TEAD1: variants seen among roughly 807,000 people sequenced by gnomAD.
TEAD1 encodes the protein transcriptional enhancer factor TEF-1.
TEAD1 carries 9 observed loss-of-function variants against 54.9 expected under a neutral mutation model. That is an observed-to-expected ratio of 0.16 (90% CI 0.10 to 0.29). The LOEUF (loss-of-function observed/expected upper bound fraction) is 0.29. TEAD1 is among the 10% of genes least tolerant of loss of function. The pLI is 1.00. For synonymous variants in TEAD1, 200 were observed against 187.8 expected (o/e 1.07, Z -0.53); for missense variants, 387 against 535.9 (o/e 0.72, Z 2.74).
intron 3 of TEAD1, among the ~76,000 whole-genome samples, chr11:12,769,874 G>T (rs917067813): frequency 1.3e-5 from 2 of 152,186 alleles, no homozygotes; most frequent in African/African-American, 2.4e-5. Flanking sequence ...AGTAATGTTT[G>T]CTGAATAAAT....
intron 2 of TEAD1, among the ~76,000 whole-genome samples, chr11:12,702,394 T>C (rs1369210471): frequency 2.6e-5 from 4 of 152,202 alleles, no homozygotes; most frequent in Non-Finnish European, 4.4e-5. Flanking sequence ...TCTTTATAGC[T>C]TCATGACTTC....
chr11:12,864,250 C>T (rs1451448771), intron 4 of TEAD1, among the ~76,000 whole-genome samples: 1 of 152,132 alleles, frequency 6.6e-6, no homozygotes, highest in Non-Finnish European at 1.5e-5. Context: ...TGGATAGTCT[C>T]TTCTAAATTG....
chr11:12,928,595 GCCAAAT>G (rs1377498448), intron 11 of TEAD1, among the ~76,000 whole-genome samples: 1,609 of 152,154 alleles, frequency 0.011, 20 homozygotes, highest in African/African-American at 0.037. Context: ...TAACCTGTTT[GCCAAAT>G]TTCAGTCTTG....
At chr11:12,846,689 G>A (rs1192193251) in intron 3 of TEAD1, among the ~76,000 whole-genome samples, 2 of 152,134 alleles carry the variant, frequency 1.3e-5, no homozygotes, top group Non-Finnish European at 2.9e-5. Flanking sequence ...ACAAGTTGAG[G>A]TGTTTCTTAG....
intron 2 of TEAD1, among the ~76,000 whole-genome samples, chr11:12,738,304 C>T (rs1944577466): frequency 6.6e-6 from 1 of 152,164 alleles, no homozygotes; most frequent in South Asian, 2.1e-4. Context: ...TCTGAGCTGA[C>T]CCCTAAGTAT....
chr11:12,715,882 C>T (rs1330449965), intron 2 of TEAD1, among the ~76,000 whole-genome samples: 1 of 152,108 alleles, frequency 6.6e-6, no homozygotes, highest in African/African-American at 2.4e-5. Flanking sequence ...ATCTAGCAAT[C>T]TCACCTCTAG....
chr11:12,882,064 G>A (rs549529883), intron 8 of TEAD1, 107 bp downstream of exon 8: 108 of 1,227,230 alleles, frequency 8.8e-5, no homozygotes, highest in African/African-American at 7.5e-4. Context: ...TGCCACAGCC[G>A]CACATTGCCC....
chr11:12,822,331 C>A (rs10765992), intron 3 of TEAD1: 104,651 of 152,032 alleles, frequency 0.69, 36,126 homozygotes, highest in African/African-American at 0.71. Context: ...AATATAGATC[C>A]TCCCTCACAG....
At chr11:12,852,243 A>AT in intron 3 of TEAD1, among the ~76,000 whole-genome samples, 1 of 151,366 alleles carries the variant, frequency 6.6e-6, no homozygotes, top group East Asian at 2.0e-4. Flanking sequence ...GTACCAGACT[A>AT]AGGAGTTTGT....
At chr11:12,837,507 A>G (rs1471258160) in intron 3 of TEAD1, among the ~76,000 whole-genome samples, 1 of 152,120 alleles carries the variant, frequency 6.6e-6, no homozygotes, top group Admixed American at 6.6e-5. Context: ...ATTTTCTCCC[A>G]GTTCTGCAGC....
At chr11:12,837,372 G>A (rs1243541938) in intron 3 of TEAD1, among the ~76,000 whole-genome samples, 3 of 152,094 alleles carry the variant, frequency 2.0e-5, no homozygotes, top group Admixed American at 6.5e-5. Flanking sequence ...CCTCAGTAAC[G>A]GACAGGGCAG....
chr11:12,828,035 TC>T (rs1332407937), intron 3 of TEAD1: 2 of 152,204 alleles, frequency 1.3e-5, no homozygotes, highest in African/African-American at 4.8e-5. Flanking sequence ...AAGCGGGTGT[TC>T]CAGCCAATGA....
intron 2 of TEAD1, among the ~76,000 whole-genome samples, chr11:12,719,913 C>A (rs1447679584): frequency 1.5e-5 from 2 of 130,194 alleles, no homozygotes; most frequent in African/African-American, 2.7e-5. Context: ...AATGAAAATT[C>A]AACTTTGCAA....
intron 2 of TEAD1, among the ~76,000 whole-genome samples, chr11:12,748,238 A>C (rs1169738327): frequency 1.3e-5 from 2 of 152,252 alleles, no homozygotes; most frequent in Non-Finnish European, 2.9e-5. Context: ...CTGGGATTAC[A>C]GGCGTGAGCC....
intron 3 of TEAD1, among the ~76,000 whole-genome samples, chr11:12,812,033 C>G (rs1396906672): frequency 6.6e-6 from 1 of 152,036 alleles, no homozygotes; most frequent in Non-Finnish European, 1.5e-5. Context: ...ATTTAGTTGC[C>G]TATACTGACA....
At chr11:12,875,897 C>T (rs942151284) in intron 5 of TEAD1, among the ~76,000 whole-genome samples, 1 of 152,144 alleles carries the variant, frequency 6.6e-6, no homozygotes, top group Non-Finnish European at 1.5e-5. Context: ...TACCTTTAAA[C>T]CCAGAAGGAC....
intron 2 of TEAD1, among the ~76,000 whole-genome samples, chr11:12,721,773 A>T (rs1293172522): frequency 6.6e-6 from 1 of 152,230 alleles, no homozygotes; most frequent in Non-Finnish European, 1.5e-5. Context: ...TTAGGGTTAA[A>T]TACTCATTTG....
chr11:12,712,670 CT>C (rs1407590927), intron 2 of TEAD1, among the ~76,000 whole-genome samples: 1 of 152,204 alleles, frequency 6.6e-6, no homozygotes, highest in African/African-American at 2.4e-5. Context: ...CACTACCATT[CT>C]TTCTGCCCTT....
chr11:12,935,783 T>C (rs1456202307), intron 12 of TEAD1, among the ~76,000 whole-genome samples: 2 of 152,158 alleles, frequency 1.3e-5, no homozygotes, highest in Admixed American at 6.5e-5. Context: ...AAATGACTTG[T>C]GTGCCATGTC....
Sources: allele counts gnomAD v4.1 joint callset (sites outside exome capture counted in the v4.1 genomes callset), GRCh38; gene constraint gnomAD v4.1.1; transcripts MANE v1.5; gene names NCBI Gene and HGNC (gene_info 2026-07-23, HGNC 2026-07-21).